The following DMGDH variants were observed in gnomAD, a reference collection of about 807,000 sequenced individuals.
DMGDH encodes dimethylglycine dehydrogenase.
Under a neutral mutation model 95.2 loss-of-function variants are expected in DMGDH, and 76 were observed. The ratio of observed to expected loss-of-function variants is 0.80; its 90% CI spans 0.66 to 0.97. The LOEUF (loss-of-function observed/expected upper bound fraction) is 0.97, where lower values mean the gene tolerates loss of function less well. Ranked by LOEUF, DMGDH falls within the 50% of genes least tolerant of loss-of-function variation. DMGDH has a pLI of 0.00. For missense variants in DMGDH, 987 were observed against 1,055.0 expected (o/e 0.94, Z 0.89); for synonymous variants, 345 against 377.6 (o/e 0.91, Z 1.00).
At chr5:78,998,454 C>T (rs1753397840) in intron 15 of DMGDH, among the ~76,000 whole-genome samples, 157 bp from the exon 16 acceptor site, 1 of 152,176 alleles carries the variant, frequency 6.6e-6, no homozygotes, top group African/African-American at 2.4e-5. Flanking sequence ...AGGAGGAAAA[C>T]TTCACATTTT....
intron 2 of DMGDH, among the ~76,000 whole-genome samples, chr5:79,058,716 T>A (rs545018258): frequency 6.6e-6 from 1 of 152,266 alleles, no homozygotes; most frequent in South Asian, 2.1e-4. Context: ...TTCAAATAAA[T>A]TAAGAATTTG....
At chr5:79,031,689 G>C (rs763485015) in intron 9 of DMGDH, among the ~76,000 whole-genome samples, 7 of 152,204 alleles carry the variant, frequency 4.6e-5, no homozygotes, top group Non-Finnish European at 8.8e-5. Flanking sequence ...CATTACTAAA[G>C]GTCCTTTCTG....
In DMGDH at chr5:79,026,714, C is replaced by T. The variant is rs903183552; in HGVS notation, c.2033-133G>A. On this transcript the variant is annotated intron_variant, in intron 12 of 15. Transcript: ENST00000255189. The stretch of plus-strand genomic sequence containing the variant: ...CAGACATTGTCAGTCTCTAAAAAGA[C>T]CAGCTCACAAAAAGTTACAAGACCC... 2.2e-6 allele frequency: 3 copies of T among 1,362,460 alleles called. No homozygotes were observed. In the African/African-American group the frequency reaches 4.3e-5, roughly 20 times the overall value. 84.4% of individuals were successfully genotyped at this position (1,362,460 alleles called of 1,614,324 possible).
chr5:79,050,204 C>T (rs1290096459), intron 5 of DMGDH, among the ~76,000 whole-genome samples: 9 of 137,072 alleles, frequency 6.6e-5, no homozygotes, highest in Non-Finnish European at 1.4e-4. Context: ...GCCGAGATCG[C>T]GCCATTGCAC....
At chr5:79,054,122 A>C in intron 4 of DMGDH, 62 bp downstream of exon 4, 1 of 1,578,120 alleles carries the variant, frequency 6.3e-7, no homozygotes, top group South Asian at 1.1e-5. Flanking sequence ...TTAACTTCTT[A>C]ATAACTTTTT....
rs768408417 is a variant in DMGDH, at chr5:78,998,037, C to T, written c.*45G>A. The T allele has an allele frequency of 3.1e-6, 5 of 1,589,182 alleles. No homozygotes were observed. Among genetic ancestry groups the T allele is most frequent in the African/African-American group, 2.7e-5 (2 of 74,318 alleles). On this transcript the variant is annotated 3_prime_UTR_variant, in exon 16 of 16. Transcript: ENST00000255189. Reference sequence around the variant, plus strand: ...GAGCCAGTTATAATAATTTCAAGGACAGTCATTAGCAACTCTAATTCAGTT... The same window carrying T: ...GAGCCAGTTATAATAATTTCAAGGATAGTCATTAGCAACTCTAATTCAGTT...
chr5:79,005,191 G>T, intron 15 of DMGDH, 82 bp downstream of exon 15: 2 of 1,579,348 alleles, frequency 1.3e-6, no homozygotes, highest in African/African-American at 2.7e-5. Context: ...ATAGCAAAAG[G>T]GTTTAAGAGG....
chr5:79,046,709 G>T (rs1754685654), intron 5 of DMGDH, among the ~76,000 whole-genome samples: 1 of 152,138 alleles, frequency 6.6e-6, no homozygotes. Flanking sequence ...CTAGTAGGAA[G>T]ATGTGAATTA....
chr5:79,054,328 T>A lies in DMGDH; in HGVS notation c.396A>T (p.Pro132=). The A allele has an allele frequency of 6.2e-7, 1 of 1,614,144 alleles. No homozygotes were observed. ...GGGTGGTAGCAAGTCTGATACTACCTGGCTGATGGAATCCCACCACCTGTG... is the reference window on the plus strand; with the variant it reads ...GGGTGGTAGCAAGTCTGATACTACCAGGCTGATGGAATCCCACCACCTGTG... ...ETGQVVGFHQ[P]GSIRLATTPV... The change falls in exon 4 of 16, where the codon CCA becomes CCT. Residue 132 remains proline, a synonymous_variant. Coordinates refer to ENST00000255189, the MANE Select transcript of DMGDH (RefSeq NM_013391.3).
chr5:79,007,616 A>C (rs1228041567), intron 14 of DMGDH, among the ~76,000 whole-genome samples: 1 of 152,196 alleles, frequency 6.6e-6, no homozygotes, highest in African/African-American at 2.4e-5. Flanking sequence ...TTTATGCTTT[A>C]TTGTGCAGAG....
rs763479560 is a variant in DMGDH, at chr5:79,051,357, C to A, written c.675G>T (p.Arg225Ser). The change falls in exon 5 of 16, where the codon AGG (arginine) becomes AGT (serine). Residue 225 changes from arginine to serine, a missense_variant. Transcript: ENST00000255189. ...YPAPVTSLKA[R>S]SDGTWDVETP... Reference sequence around the variant, plus strand: ...TTTCAACGTCCCATGTTCCATCTGACCTGGCTTTCAGAGAAGTTACTGGTG... The same window carrying A: ...TTTCAACGTCCCATGTTCCATCTGAACTGGCTTTCAGAGAAGTTACTGGTG... 1.2e-6 allele frequency: 2 copies of A among 1,614,184 alleles called. No homozygotes were observed. Among genetic ancestry groups the A allele is most frequent in the Non-Finnish European group, 8.5e-7 (1 of 1,180,034 alleles).
At chr5:79,000,944 T>C (rs1453660833) in intron 15 of DMGDH, 1 of 677,884 alleles carries the variant, frequency 1.5e-6, no homozygotes, top group East Asian at 2.5e-5. Context: ...GGTCCTCATT[T>C]GGCAGCATCA....
chr5:79,063,866 C>A lies in DMGDH; in HGVS notation c.102-79G>T, dbSNP rs1449847782. ...TCTGGCCTAAAGCACTTCCCCTTAC[C>A]CGTTTCTCTAGTACTTAACACCCAC... On this transcript the variant is annotated intron_variant, in intron 1 of 15. Transcript: ENST00000255189. 4.9e-6 allele frequency: 7 copies of A among 1,417,640 alleles called. No individual in the cohort carries two copies. In the East Asian group the frequency reaches 1.6e-4, roughly 32 times the overall value. 87.8% of individuals were successfully genotyped at this position (1,417,640 alleles called of 1,614,324 possible).
chr5:79,034,624 CCAA>C (rs970072979), intron 7 of DMGDH, among the ~76,000 whole-genome samples: 26 of 152,186 alleles, frequency 1.7e-4, no homozygotes, highest in African/African-American at 6.3e-4. Context: ...GCTAGTATCC[CCAA>C]CAACAACAAC....
chr5:79,054,698 A>C (rs1429142240), intron 3 of DMGDH, among the ~76,000 whole-genome samples: 1 of 152,206 alleles, frequency 6.6e-6, no homozygotes, highest in Non-Finnish European at 1.5e-5. Flanking sequence ...CGTGAACAAA[A>C]ACTGTATGAA....
In DMGDH at chr5:79,024,257, G is replaced by A; in HGVS notation, c.2250+14C>T. The A allele has an allele frequency of 6.2e-7, 1 of 1,609,562 alleles. No homozygotes were observed. The highest frequency in any genetic ancestry group is 2.2e-5 in the East Asian group (1 of 44,736). On this transcript the variant is annotated intron_variant, in intron 14 of 15. Coordinates refer to ENST00000255189, the MANE Select transcript of DMGDH (RefSeq NM_013391.3). Reference sequence around the variant, plus strand: ...TAAGATTTACTTCAAGCACACTTTGGAATGTAAACATACCTTATTTAACTT... The same window carrying A: ...TAAGATTTACTTCAAGCACACTTTGAAATGTAAACATACCTTATTTAACTT...
At position 79,050,262 on chromosome 5, in the gene DMGDH, AAAAAAAAAAAAATATATAT is replaced by A. The variant is rs1235611932; in HGVS notation, c.745+1006_745+1024del. 1.5e-3 allele frequency among the ~76,000 whole-genome samples: 98 copies of A among 65,190 alleles called. 1 individual carries two copies. Among genetic ancestry groups the A allele is most frequent in the African/African-American group, 4.8e-3 (88 of 18,458 alleles). 42.8% of individuals were successfully genotyped at this position (65,190 alleles called of 152,430 possible). ...AAACTTTGTCTCAAAAAAAAAAAAAAAAAAAAAAAAAATATATATATATATATATATATATATATACCTC... is the reference window on the plus strand; with the variant it reads ...AAACTTTGTCTCAAAAAAAAAAAAAAATATATATATATATATATATACCTC... On this transcript the variant is annotated intron_variant, in intron 5 of 15. Transcript: ENST00000255189.
At chr5:79,060,886 C>T (rs2112672809) in intron 2 of DMGDH, among the ~76,000 whole-genome samples, 1 of 150,446 alleles carries the variant, frequency 6.6e-6, no homozygotes, top group East Asian at 2.0e-4. Flanking sequence ...CCACTGTACT[C>T]CAGCCTGGCA....
At chr5:79,061,242 C>G (rs1324350811) in intron 2 of DMGDH, among the ~76,000 whole-genome samples, 4 of 140,034 alleles carry the variant, frequency 2.9e-5, no homozygotes, top group African/African-American at 1.3e-4. Context: ...CACACACACA[C>G]ACACACACAC....
Sources: allele counts gnomAD v4.1 joint callset (sites outside exome capture counted in the v4.1 genomes callset), GRCh38; gene constraint gnomAD v4.1.1; transcripts MANE v1.5; gene names NCBI Gene and HGNC (gene_info 2026-07-23, HGNC 2026-07-21).